ERC2: variants seen among roughly 807,000 people sequenced by gnomAD.
ERC2 encodes the protein ERC protein 2.
ERC2 carries 42 observed loss-of-function variants against 114.8 expected under a neutral mutation model. That is an observed-to-expected ratio of 0.37 (90% CI 0.29 to 0.47). ERC2 has a LOEUF of 0.47. Ranked by LOEUF, ERC2 falls within the 20% of genes least tolerant of loss-of-function variation. The pLI, the probability that ERC2 is intolerant of heterozygous loss-of-function variation, is 0.99. For synonymous variants in ERC2, 454 were observed against 425.5 expected (o/e 1.07, Z -0.82); for missense variants, 939 against 1,150.7 (o/e 0.82, Z 2.66).
chr3:55,869,666 C>T (rs1266946822), intron 14 of ERC2, among the ~76,000 whole-genome samples: 1 of 152,054 alleles, frequency 6.6e-6, no homozygotes, highest in African/African-American at 2.4e-5. Flanking sequence ...TCTTTCCTTC[C>T]CAGAGCACTT....
rs2049599636 is a variant in ERC2 at position 56,217,860 on chromosome 3, A to G, written c.1075-44340T>C. Among the ~76,000 whole-genome samples the G allele has an allele frequency of 5.9e-5, 9 of 152,290 alleles. 1 individual carries two copies. In the South Asian group the frequency reaches 1.9e-3, roughly 32 times the overall value. On this transcript the variant is annotated intron_variant, in intron 3 of 17. Coordinates refer to ENST00000288221, the MANE Select transcript of ERC2 (RefSeq NM_015576.3). The stretch of plus-strand genomic sequence containing the variant: ...CGTATCTACAACTATCTGATCTTTG[A>G]CAAACCTGACAAAAACAGGAAATGG...
chr3:56,396,679 T>A (rs1469479015), intron 2 of ERC2, among the ~76,000 whole-genome samples: 1 of 152,224 alleles, frequency 6.6e-6, no homozygotes, highest in Non-Finnish European at 1.5e-5. Flanking sequence ...TTTTAGGGTT[T>A]TTTTGTTTTG....
At chr3:56,430,043 A>C (rs1241637300) in intron 2 of ERC2, among the ~76,000 whole-genome samples, 1 of 152,212 alleles carries the variant, frequency 6.6e-6, no homozygotes, top group African/African-American at 2.4e-5. Context: ...TGAACTTCCT[A>C]TACAAGAGCA....
chr3:56,182,391 A>G (rs2083336999), intron 3 of ERC2, among the ~76,000 whole-genome samples: 1 of 152,240 alleles, frequency 6.6e-6, no homozygotes, highest in Admixed American at 6.5e-5. Flanking sequence ...ATGAAACCGT[A>G]CAAATGACAC....
intron 6 of ERC2, among the ~76,000 whole-genome samples, chr3:56,109,815 A>T (rs561025703): frequency 5.3e-5 from 8 of 152,334 alleles, no homozygotes; most frequent in Middle Eastern, 6.8e-3. Flanking sequence ...AACAACAAAC[A>T]TCAAGGCGCA....
chr3:55,839,530 A>C (rs116270109), intron 14 of ERC2, among the ~76,000 whole-genome samples: 1,652 of 152,042 alleles, frequency 0.011, 10 homozygotes, highest in Non-Finnish European at 0.018. Flanking sequence ...AAAATACAAT[A>C]TATTACAGCA....
At chr3:56,453,695 T>C (rs746304114) in intron 1 of ERC2, among the ~76,000 whole-genome samples, 1 of 152,224 alleles carries the variant, frequency 6.6e-6, no homozygotes, top group Non-Finnish European at 1.5e-5. Flanking sequence ...CCAACTATTT[T>C]AATTGCCTCC....
At chr3:56,120,310 C>A (rs1308928965) in intron 6 of ERC2, among the ~76,000 whole-genome samples, 1 of 152,106 alleles carries the variant, frequency 6.6e-6, no homozygotes, top group Non-Finnish European at 1.5e-5. Context: ...TTATGAAACC[C>A]ACTTGGACCC....
intron 14 of ERC2, among the ~76,000 whole-genome samples, chr3:55,858,498 T>C (rs1167559467): frequency 6.6e-6 from 1 of 152,224 alleles, no homozygotes; most frequent in Non-Finnish European, 1.5e-5. Context: ...GAGGCTCTGA[T>C]GCCTATCACA....
intron 14 of ERC2, among the ~76,000 whole-genome samples, chr3:55,760,051 T>C (rs569756506): frequency 1.3e-5 from 2 of 152,322 alleles, no homozygotes; most frequent in South Asian, 4.1e-4. Flanking sequence ...CAGTAGCCAG[T>C]GTCAAGGTTA....
At chr3:56,193,335 C>T (rs2047905921) in intron 3 of ERC2, among the ~76,000 whole-genome samples, 1 of 152,076 alleles carries the variant, frequency 6.6e-6, no homozygotes, top group Non-Finnish European at 1.5e-5. Context: ...TGGCAAAACC[C>T]CGTCTCTACT....
At chr3:55,840,229 G>T (rs2061072384) in intron 14 of ERC2, among the ~76,000 whole-genome samples, 1 of 151,974 alleles carries the variant, frequency 6.6e-6, no homozygotes, top group African/African-American at 2.4e-5. Flanking sequence ...TAAATCACAT[G>T]TGTAATAAAG....
chr3:56,412,243 T>A (rs1004842724), intron 2 of ERC2, among the ~76,000 whole-genome samples: 6 of 152,208 alleles, frequency 3.9e-5, no homozygotes, highest in African/African-American at 1.4e-4. Context: ...ATGGAATGTA[T>A]TCTCCCTCAG....
At chr3:55,662,274 A>G (rs2061170142) in intron 17 of ERC2, among the ~76,000 whole-genome samples, 1 of 152,260 alleles carries the variant, frequency 6.6e-6, no homozygotes, top group South Asian at 2.1e-4. Context: ...ACACAAAATT[A>G]TTTACTGCAG....
chr3:55,887,326 C>T (rs1054235963), intron 14 of ERC2, among the ~76,000 whole-genome samples: 4 of 152,022 alleles, frequency 2.6e-5, no homozygotes, highest in Non-Finnish European at 5.9e-5. Flanking sequence ...ATGTTTTGTC[C>T]TCATTATTAA....
intron 17 of ERC2, among the ~76,000 whole-genome samples, chr3:55,608,182 A>G (rs1245953303): frequency 6.6e-6 from 1 of 152,178 alleles, no homozygotes; most frequent in African/African-American, 2.4e-5. Context: ...TAATATTATC[A>G]TATGATCCAA....
At chr3:56,421,001 G>A (rs993341469) in intron 2 of ERC2, among the ~76,000 whole-genome samples, 1 of 152,146 alleles carries the variant, frequency 6.6e-6, no homozygotes, top group Non-Finnish European at 1.5e-5. Flanking sequence ...ATATAAAAGC[G>A]CCATGTGGGT....
At chr3:55,823,880 A>AGG (rs1244284210) in intron 14 of ERC2, among the ~76,000 whole-genome samples, 1 of 152,122 alleles carries the variant, frequency 6.6e-6, no homozygotes, top group Non-Finnish European at 1.5e-5. Context: ...ACCACAGACT[A>AGG]GGGGACTTGA....
At chr3:56,286,861 T>C (rs994585400) in intron 3 of ERC2, among the ~76,000 whole-genome samples, 1 of 152,232 alleles carries the variant, frequency 6.6e-6, no homozygotes, top group Non-Finnish European at 1.5e-5. Context: ...TTGTAATTTT[T>C]ACTCATGAAG....
Sources: allele counts gnomAD v4.1 joint callset (sites outside exome capture counted in the v4.1 genomes callset), GRCh38; gene constraint gnomAD v4.1.1; transcripts MANE v1.5; gene names NCBI Gene and HGNC (gene_info 2026-07-23, HGNC 2026-07-21).